ELOVL2: variants seen among roughly 807,000 people sequenced by gnomAD.
ELOVL2 encodes the protein very long chain fatty acid elongase 2.
ELOVL2 carries 38 observed loss-of-function variants against 37.7 expected under a neutral mutation model. The observed-to-expected ratio is 1.01, with a 90% CI of 0.78 to 1.32. The LOEUF is 1.32. Ranked by LOEUF, ELOVL2 falls within the 40% of genes most tolerant of loss-of-function variation. ELOVL2 has a pLI of 0.00. For missense variants in ELOVL2, 352 were observed against 363.6 expected (o/e 0.97, Z 0.26); for synonymous variants, 115 against 122.3 (o/e 0.94, Z 0.40).
rs1243851521 is a variant in ELOVL2 at position 10,981,858 on chromosome 6, A to G, written c.*1923T>C. On this transcript the variant is annotated 3_prime_UTR_variant, in exon 8 of 8. Transcript: ENST00000354666. ...CAGCCTATATTTGAGATCTAAACTG[A>G]ACTAGGGTCCAGTTTCTCCAAAGGG... 6.6e-6 allele frequency: 1 copy of G among 152,186 alleles called. No homozygotes were observed. The highest frequency in any genetic ancestry group is 1.5e-5 in the Non-Finnish European group (1 of 68,028). 9.4% of individuals were successfully genotyped at this position (152,186 alleles called of 1,614,324 possible). A position where few individuals can be genotyped will look rare whatever the true frequency, so the allele number is the denominator to read the frequency against.
At chr6:10,984,538 A>G (rs1210680895) in intron 7 of ELOVL2, among the ~76,000 whole-genome samples, 1 of 125,830 alleles carries the variant, frequency 7.9e-6, no homozygotes, top group Non-Finnish European at 1.6e-5. Context: ...AGTCCCCAGA[A>G]TGTGATGTTC....
chr6:11,029,134 G>A lies in ELOVL2; in HGVS notation c.3+15094C>T, dbSNP rs147597722. The stretch of plus-strand genomic sequence containing the variant: ...TCCTAGCTACGCAGGAGGCTGAGGC[G>A]CAAGAATTACTTGAGCCTGGGAGGC... On this transcript the variant is annotated intron_variant, in intron 1 of 7. Transcript: ENST00000354666. Among the ~76,000 whole-genome samples, 1,149 of 143,234 alleles carry A rather than the reference G, an allele frequency of 8.0e-3. 19 individuals carry two copies. The highest frequency in any genetic ancestry group is 0.028 in the African/African-American group (1,072 of 38,544). The allele number at this position is 143,234 out of a possible 152,430, so 94.0% of individuals were successfully genotyped here.
chr6:11,032,319 A>G (rs942583514), intron 1 of ELOVL2, among the ~76,000 whole-genome samples: 1 of 139,878 alleles, frequency 7.1e-6, no homozygotes, highest in African/African-American at 2.7e-5. Context: ...CTTTTTACAC[A>G]ATTTGGATAA....
At chr6:10,990,532 T>C (rs913028666) in intron 5 of ELOVL2, 90 bp from the exon 6 acceptor site, 14 of 1,283,708 alleles carry the variant, frequency 1.1e-5, no homozygotes, top group East Asian at 5.3e-5. Context: ...TGCATGGTAA[T>C]TGAAAATGAG....
intron 4 of ELOVL2, among the ~76,000 whole-genome samples, chr6:10,997,239 G>A (rs1782286513): frequency 1.3e-5 from 2 of 152,014 alleles, no homozygotes; most frequent in African/African-American, 4.8e-5. Flanking sequence ...CAGGGGAGTG[G>A]GAAGTATAGA....
intron 7 of ELOVL2, among the ~76,000 whole-genome samples, chr6:10,986,766 G>A (rs1221874418): frequency 2.6e-5 from 4 of 152,038 alleles, no homozygotes; most frequent in Admixed American, 6.5e-5. Flanking sequence ...TTTTATTGAG[G>A]ATTTTTGCAT....
chr6:10,983,994 T>C (rs888535553), intron 7 of ELOVL2, 88 bp from the exon 8 acceptor site: 19 of 1,237,446 alleles, frequency 1.5e-5, no homozygotes, highest in Non-Finnish European at 1.9e-5. Flanking sequence ...TAAAACAGTA[T>C]GTGATTTTGT....
chr6:11,005,004 C>T (rs752798553), intron 3 of ELOVL2, among the ~76,000 whole-genome samples: 1 of 152,150 alleles, frequency 6.6e-6, no homozygotes, highest in South Asian at 2.1e-4. Flanking sequence ...ACTAAAATTA[C>T]AAAAAGTAGC....
Position 10,983,877 on chromosome 6 carries a change from A to G in ELOVL2, c.795T>C (p.Asp265=), listed in dbSNP as rs769690398. The change falls in exon 8 of 8, where the codon GAT becomes GAC. Residue 265 remains aspartate (D), a synonymous_variant. Transcript: ENST00000354666. ...CTTTCCCTGCAGGTGGCTCTTGCAT[A>G]TCTTTCTTCATTGGCTTTTTTCGGT... ...QTYRKKPMKK[D]MQEPPAGKEV... is the part of the protein sequence containing the mutation. The G allele has an allele frequency of 1.2e-6, 2 of 1,613,474 alleles. No homozygotes were observed. The highest frequency in any genetic ancestry group is 1.7e-6 in the Non-Finnish European group (2 of 1,179,758).
Position 10,988,108 on chromosome 6 carries a change from G to A in ELOVL2, c.765+1595C>T, listed in dbSNP as rs184862273. 2.0e-3 allele frequency among the ~76,000 whole-genome samples: 311 copies of A among 152,252 alleles called. 7 individuals carry two copies. Among genetic ancestry groups the A allele is most frequent in the Admixed American group, 0.016 (238 of 15,280 alleles). ...GCGTTTATTGGGAAGTTGGGGGCAG[G>A]GGTTTGCACACCCACACATAGCTTT... is the stretch of plus-strand genomic sequence containing the variant. On this transcript the variant is annotated intron_variant, in intron 7 of 7. Transcript: ENST00000354666.
At chr6:11,002,390 T>A (rs914478949) in intron 3 of ELOVL2, among the ~76,000 whole-genome samples, 3 of 152,182 alleles carry the variant, frequency 2.0e-5, no homozygotes, top group African/African-American at 7.2e-5. Context: ...TAAGCAAACA[T>A]CTGCTGACCC....
Position 11,006,399 on chromosome 6 carries a change from T to C in ELOVL2, c.68-840A>G, listed in dbSNP as rs147046544. Among the ~76,000 whole-genome samples, 453 of 152,362 alleles carry C rather than the reference T, an allele frequency of 3.0e-3. 3 individuals carry two copies. Among genetic ancestry groups the C allele is most frequent in the South Asian group, 0.021 (100 of 4,830 alleles). ...AATTAGTAACACCTGAAAATCATTG[T>C]AGACACTAAATGATTTGTGTTCTCT... On this transcript the variant is annotated intron_variant, in intron 2 of 7. Transcript: ENST00000354666.
intron 5 of ELOVL2, among the ~76,000 whole-genome samples, chr6:10,992,538 C>T (rs1434160663): frequency 6.6e-6 from 1 of 152,168 alleles, no homozygotes; most frequent in Non-Finnish European, 1.5e-5. Flanking sequence ...CGCCTGTAAT[C>T]CCAGCACTTT....
In ELOVL2 at chr6:10,982,390, G is replaced by C. The variant is rs1002409061; in HGVS notation, c.*1391C>G. ...TGCATGTATTTGATGTCAGTGTCAG[G>C]ACCTAAAAACTTATTTAAAAAAATA... On this transcript the variant is annotated 3_prime_UTR_variant, in exon 8 of 8. Transcript: ENST00000354666. 3 of 152,018 alleles carry C rather than the reference G, an allele frequency of 2.0e-5. No homozygotes were observed. The highest frequency in any genetic ancestry group is 7.2e-5 in the African/African-American group (3 of 41,384). 9.4% of individuals were successfully genotyped at this position (152,018 alleles called of 1,614,324 possible). A position where few individuals can be genotyped will look rare whatever the true frequency, so the allele number is the denominator to read the frequency against.
At chr6:11,020,164 C>T (rs1227607458) in intron 1 of ELOVL2, among the ~76,000 whole-genome samples, 3 of 143,974 alleles carry the variant, frequency 2.1e-5, no homozygotes, top group Non-Finnish European at 4.5e-5. Context: ...GAAAGTTGTA[C>T]AAGTTCCTCC....
chr6:11,014,751 G>A (rs182078932), intron 1 of ELOVL2, among the ~76,000 whole-genome samples: 1 of 152,116 alleles, frequency 6.6e-6, no homozygotes, highest in Admixed American at 6.5e-5. Flanking sequence ...CAGAGTTTGT[G>A]TTTATGTTAT....
rs564994261 is a variant in ELOVL2 at position 11,014,608 on chromosome 6, C to A, written c.4-3799G>T. ...TCCTCCTTGCCTCTCCAGCAGTAGT[C>A]ACTGTTAACAGTTTGATGTGTGGTC... On this transcript the variant is annotated intron_variant, in intron 1 of 7. Coordinates refer to ENST00000354666, the MANE Select transcript of ELOVL2 (RefSeq NM_017770.4). Among the ~76,000 whole-genome samples, 1,061 of 150,896 alleles carry A rather than the reference C, an allele frequency of 7.0e-3. 3 individuals carry two copies. Among genetic ancestry groups the A allele is most frequent in the Non-Finnish European group, 0.011 (770 of 67,756 alleles).
intron 1 of ELOVL2, among the ~76,000 whole-genome samples, chr6:11,021,447 T>G (rs1471096013): frequency 6.6e-6 from 1 of 152,216 alleles, no homozygotes; most frequent in Non-Finnish European, 1.5e-5. Context: ...CTCTTTTTCC[T>G]TTGACAACAC....
At chr6:11,010,369 A>C (rs1044082338) in intron 2 of ELOVL2, among the ~76,000 whole-genome samples, 1 of 152,170 alleles carries the variant, frequency 6.6e-6, no homozygotes, top group Non-Finnish European at 1.5e-5. Context: ...TAAGGGCAGA[A>C]ATGTCACATA....
Sources: gnomAD v4.1 joint callset for allele counts (sites outside exome capture counted in the v4.1 genomes callset) on GRCh38, gnomAD v4.1.1 for gene constraint, MANE v1.5 for transcripts, NCBI Gene and HGNC (gene_info 2026-07-23, HGNC 2026-07-21) for gene names.